L3MBTL3: variants seen among roughly 807,000 people sequenced by gnomAD.
L3MBTL3 encodes lethal(3)malignant brain tumor-like protein 3.
In L3MBTL3, 27 loss-of-function variants were observed where a neutral mutation model predicts 102.3. The ratio of observed to expected loss-of-function variants is 0.26; its 90% CI spans 0.19 to 0.36. The LOEUF (loss-of-function observed/expected upper bound fraction) is 0.36. L3MBTL3 is among the 10% of genes least tolerant of loss of function. The probability of loss-of-function intolerance (pLI) is 1.00; values close to 1 mark genes in which losing one functional copy is unlikely to be tolerated. For synonymous variants in L3MBTL3, 340 were observed against 320.9 expected (o/e 1.06, Z -0.64); for missense variants, 798 against 955.3 (o/e 0.84, Z 2.17).
intron 22 of L3MBTL3, among the ~76,000 whole-genome samples, chr6:130,134,837 C>T (rs1787450858): frequency 6.6e-6 from 1 of 152,200 alleles, no homozygotes; most frequent in Non-Finnish European, 1.5e-5. Flanking sequence ...GCTAACAATC[C>T]AGCCACCAGT....
chr6:130,059,887 A>T (rs189458041), intron 9 of L3MBTL3, 149 bp from the exon 10 acceptor site: 8 of 546,640 alleles, frequency 1.5e-5, no homozygotes, highest in Non-Finnish European at 1.6e-5. Context: ...CCATTTTTTC[A>T]GTGGGTTATT....
chr6:130,019,228 C>T (rs1394542907), intron 1 of L3MBTL3: 2 of 144,038 alleles, frequency 1.4e-5, no homozygotes, highest in African/African-American at 5.1e-5. Flanking sequence ...CGGCGCCGGG[C>T]TCCACCGGGG....
intron 7 of L3MBTL3, among the ~76,000 whole-genome samples, chr6:130,054,032 C>T (rs549035775): frequency 1.3e-5 from 2 of 152,308 alleles, no homozygotes; most frequent in African/African-American, 4.8e-5. Flanking sequence ...GATTGGCTGA[C>T]TACTTTAGGT....
At position 130,051,266 on chromosome 6, in the gene L3MBTL3, G is replaced by T. The variant is rs1339357106; in HGVS notation, c.307G>T (p.Gly103Trp). The change falls in exon 6 of 23, where the codon GGG (glycine) becomes TGG (tryptophan). Residue 103 changes from glycine (G) to tryptophan (W), a missense_variant. This residue lies in a region of L3MBTL3 where 434 missense variants were observed against 506.6 expected (regional missense o/e 0.86). Coordinates refer to ENST00000361794, the MANE Select transcript of L3MBTL3 (RefSeq NM_032438.4). Reference sequence around the variant, plus strand: ...TCTTCTAGTCTTTTCAGAGAAGACTGGGATGCCTTTCAGGTTGAAGGATCC... The same window carrying T: ...TCTTCTAGTCTTTTCAGAGAAGACTTGGATGCCTTTCAGGTTGAAGGATCC... ...GCPTVFSEKT[G>W]MPFRLKDPVK... The T allele has an allele frequency of 3.1e-6, 5 of 1,613,252 alleles. No individual in the cohort carries two copies. Among genetic ancestry groups the T allele is most frequent in the Non-Finnish European group, 3.4e-6 (4 of 1,179,436 alleles).
intron 9 of L3MBTL3, among the ~76,000 whole-genome samples, chr6:130,058,786 T>A (rs1781696154): frequency 6.6e-6 from 1 of 152,230 alleles, no homozygotes; most frequent in South Asian, 2.1e-4. Flanking sequence ...TTACAAAAAC[T>A]CATGGTGCAC....
At chr6:130,118,697 G>C (rs1430128537) in intron 19 of L3MBTL3, among the ~76,000 whole-genome samples, 1 of 152,134 alleles carries the variant, frequency 6.6e-6, no homozygotes, top group Non-Finnish European at 1.5e-5. Flanking sequence ...TCCCAGGTTT[G>C]TATGGGTCCA....
chr6:130,038,234 G>A (rs1261564719), intron 2 of L3MBTL3, among the ~76,000 whole-genome samples: 1 of 151,964 alleles, frequency 6.6e-6, no homozygotes, highest in Non-Finnish European at 1.5e-5. Flanking sequence ...AATAAACATG[G>A]GAGTAGAGAT....
chr6:130,139,868 A>G lies in L3MBTL3; in HGVS notation c.*115A>G, dbSNP rs1468057217. ...AGTCTCCAAAACTCAAAAGAGCAACACTATCGGATTATTTATATTACTCAA... is the reference window on the plus strand; with the variant it reads ...AGTCTCCAAAACTCAAAAGAGCAACGCTATCGGATTATTTATATTACTCAA... On this transcript the variant is annotated 3_prime_UTR_variant, in exon 23 of 23. Coordinates refer to ENST00000361794, the MANE Select transcript of L3MBTL3 (RefSeq NM_032438.4). 5 of 885,132 alleles carry G rather than the reference A, an allele frequency of 5.6e-6. No individual in the cohort carries two copies. In the East Asian group the frequency reaches 7.9e-5, roughly 14 times the overall value. 54.8% of individuals were successfully genotyped at this position (885,132 alleles called of 1,614,324 possible).
chr6:130,108,231 G>GTTTTTTTTTTTTTTTT (rs869221525), intron 19 of L3MBTL3, among the ~76,000 whole-genome samples: 24 of 91,048 alleles, frequency 2.6e-4, no homozygotes, highest in Non-Finnish European at 4.0e-4. Flanking sequence ...TTTTTTTTTT[G>GTTTTTTTTTTTTTTTT]TTTTTTTTTT....
At chr6:130,057,544 G>A in intron 9 of L3MBTL3, 47 bp downstream of exon 9, 2 of 1,377,824 alleles carry the variant, frequency 1.5e-6, no homozygotes, top group Non-Finnish European at 2.0e-6. Context: ...CAGGAGCTGG[G>A]ATACCAGCCT....
At chr6:130,108,450 G>C (rs1261826333) in intron 19 of L3MBTL3, among the ~76,000 whole-genome samples, 1 of 151,672 alleles carries the variant, frequency 6.6e-6, no homozygotes, top group Non-Finnish European at 1.5e-5. Context: ...TAGCCAGGAT[G>C]GTCTCAATCT....
chr6:130,120,376 T>C (rs1786062811), intron 19 of L3MBTL3, among the ~76,000 whole-genome samples: 1 of 152,160 alleles, frequency 6.6e-6, no homozygotes, highest in Non-Finnish European at 1.5e-5. Context: ...AGAGGTGAAA[T>C]CACTTCAGCG....
In L3MBTL3 at chr6:130,140,461, GA is replaced by G. The variant is rs999941823; in HGVS notation, c.*713del. 1 of 152,530 alleles carries G rather than the reference GA, an allele frequency of 6.6e-6. No homozygotes were observed. The highest frequency in any genetic ancestry group is 1.5e-5 in the Non-Finnish European group (1 of 68,024). 9.4% of individuals were successfully genotyped at this position (152,530 alleles called of 1,614,324 possible). ...AACATGTATATAAAAGAATGAAATT[GA>G]AAAATAAAATATATAAACATAAATA... On this transcript the variant is annotated 3_prime_UTR_variant, in exon 23 of 23. Transcript: ENST00000361794.
intron 2 of L3MBTL3, among the ~76,000 whole-genome samples, chr6:130,029,462 G>T (rs1241392540): frequency 6.6e-6 from 1 of 152,146 alleles, no homozygotes; most frequent in African/African-American, 2.4e-5. Flanking sequence ...GTTGCGAATG[G>T]CCTAGTCCTG....
intron 14 of L3MBTL3, among the ~76,000 whole-genome samples, chr6:130,080,664 G>GA (rs372224258): frequency 8.9e-5 from 13 of 146,248 alleles, no homozygotes; most frequent in African/African-American, 2.0e-4. Context: ...CAGTCGAAGA[G>GA]AAAAAAAAAA....
At chr6:130,039,526 T>A (rs1293457678) in intron 2 of L3MBTL3, among the ~76,000 whole-genome samples, 1 of 151,956 alleles carries the variant, frequency 6.6e-6, no homozygotes, top group Non-Finnish European at 1.5e-5. Context: ...GTATTGGCTT[T>A]CAGACTTTTT....
At chr6:130,116,973 T>A (rs9321209) in intron 19 of L3MBTL3, among the ~76,000 whole-genome samples, 100,889 of 131,452 alleles carry the variant, frequency 0.77, 40,007 homozygotes, top group East Asian at 0.98. Context: ...TTATTTATTT[T>A]TTTATTTTTT....
intron 9 of L3MBTL3, among the ~76,000 whole-genome samples, chr6:130,058,376 G>T (rs903413578): frequency 6.6e-6 from 1 of 151,896 alleles, no homozygotes; most frequent in Non-Finnish European, 1.5e-5. Context: ...GCACATGCCT[G>T]CCTGCAGTCT....
rs932544106 is a variant in L3MBTL3, at chr6:130,049,956, A to G, written c.289+126A>G. On this transcript the variant is annotated intron_variant, in intron 5 of 22. Transcript: ENST00000361794. ...CAATAGCACCATCCACCCAGTGGAC[A>G]AGCAAGAAACACAGGAGTCATCCTG... 4.1e-6 allele frequency: 5 copies of G among 1,211,652 alleles called. No homozygotes were observed. The Admixed American group carries it at 1.2e-4, about 29-fold the overall frequency. The allele number at this position is 1,211,652 out of a possible 1,614,324, so 75.1% of individuals were successfully genotyped here.
Sources: allele counts gnomAD v4.1 joint callset (sites outside exome capture counted in the v4.1 genomes callset), GRCh38; gene constraint gnomAD v4.1.1; regional missense constraint gnomAD v4.1.1; transcripts MANE v1.5; gene names NCBI Gene and HGNC (gene_info 2026-07-23, HGNC 2026-07-21).